The following STEAP3 variants were observed in gnomAD, a reference collection of about 807,000 sequenced individuals.
STEAP3 encodes the protein metalloreductase STEAP3.
Under a neutral mutation model 34.9 loss-of-function variants are expected in STEAP3, and 35 were observed. The ratio of observed to expected loss-of-function variants is 1.00; its 90% confidence interval spans 0.76 to 1.33. The LOEUF (loss-of-function observed/expected upper bound fraction) is 1.33, where lower values mean the gene tolerates loss of function less well. Among genes scored for constraint, STEAP3 ranks in the 40% most tolerant of loss-of-function variants. The probability of loss-of-function intolerance (pLI) is 0.00; values close to 1 mark genes in which losing one functional copy is unlikely to be tolerated. For missense variants in STEAP3, 652 were observed against 667.6 expected (o/e 0.98, Z 0.26); for synonymous variants, 281 against 301.6 (o/e 0.93, Z 0.71).
At chr2:119,252,253 A>G (rs1228383383) in intron 4 of STEAP3, among the ~76,000 whole-genome samples, 2 of 152,248 alleles carry the variant, frequency 1.3e-5, no homozygotes, top group African/African-American at 4.8e-5. Context: ...TAACACAGCA[A>G]GATACAATGA....
intron 5 of STEAP3, among the ~76,000 whole-genome samples, chr2:119,255,857 C>T (rs1445382510): frequency 6.6e-6 from 1 of 152,168 alleles, no homozygotes; most frequent in Non-Finnish European, 1.5e-5. Flanking sequence ...TTACTGCAGG[C>T]CAGGCATCCT....
At chr2:119,240,044 A>C (rs931534745) in intron 2 of STEAP3, among the ~76,000 whole-genome samples, 1 of 152,216 alleles carries the variant, frequency 6.6e-6, no homozygotes, top group Non-Finnish European at 1.5e-5. Flanking sequence ...TTTAATTGAA[A>C]ATAAGTAGCT....
chr2:119,231,010 C>T lies in STEAP3; in HGVS notation c.-3C>T, dbSNP rs1030648626. On this transcript the variant is annotated 5_prime_UTR_variant, in exon 2 of 6. Transcript: ENST00000393110. ...GAGAGCCTCAGACCCTCACGTCAGCCGGATGTCGCACCAGCCTGCTGTTGG... is the reference window on the plus strand; with the variant it reads ...GAGAGCCTCAGACCCTCACGTCAGCTGGATGTCGCACCAGCCTGCTGTTGG... 30 of 1,614,088 alleles carry T rather than the reference C, an allele frequency of 1.9e-5. No individual in the cohort carries two copies. Among genetic ancestry groups the T allele is most frequent in the African/African-American group, 2.7e-5 (2 of 74,926 alleles).
chr2:119,230,863 A>C lies in STEAP3; in HGVS notation c.-150A>C, dbSNP rs1573538023. 1 of 1,030,230 alleles carries C rather than the reference A, an allele frequency of 9.7e-7. No individual in the cohort carries two copies. The allele number at this position is 1,030,230 out of a possible 1,614,324, so 63.8% of individuals were successfully genotyped here. On this transcript the variant is annotated 5_prime_UTR_variant, in exon 2 of 6. Transcript: ENST00000393110. Reference sequence around the variant, plus strand: ...GGCTGCGGGAGGCAGCTGGCTGTGCAAGACCCTGGCAGGGCCCTCGCCTCC... The same window carrying C: ...GGCTGCGGGAGGCAGCTGGCTGTGCCAGACCCTGGCAGGGCCCTCGCCTCC...
chr2:119,241,740 C>T (rs1677253187), intron 2 of STEAP3, among the ~76,000 whole-genome samples: 1 of 152,214 alleles, frequency 6.6e-6, no homozygotes, highest in Admixed American at 6.5e-5. Flanking sequence ...GGAGCAGATG[C>T]CAAGTCAGGT....
chr2:119,245,355 C>A (rs531752319), intron 2 of STEAP3, 134 bp from the exon 3 acceptor site: 3 of 1,309,190 alleles, frequency 2.3e-6, no homozygotes, highest in African/African-American at 2.9e-5. Context: ...GGTGCTGACA[C>A]GTGGTAGCAC....
chr2:119,258,774 A>ATT lies in STEAP3; in HGVS notation c.1215+3946_1215+3947dup, dbSNP rs57860527. ...AGGCGCCCGGCACCACACCTGGCTA[A>ATT]TTTTTTTTTTTTTTTTTTTTTGTAT... On this transcript the variant is annotated intron_variant, in intron 5 of 5. Coordinates refer to ENST00000393110, the MANE Select transcript of STEAP3 (RefSeq NM_182915.3). 9.5e-4 allele frequency among the ~76,000 whole-genome samples: 115 copies of ATT among 121,016 alleles called. No homozygotes were observed. The East Asian group carries it at 0.011, about 12-fold the overall frequency. The allele number at this position is 121,016 out of a possible 152,430, so 79.4% of individuals were successfully genotyped here. A position where few individuals can be genotyped will look rare whatever the true frequency, so the allele number is the denominator to read the frequency against.
chr2:119,254,440 A>G (rs1485435594), intron 4 of STEAP3, among the ~76,000 whole-genome samples: 1 of 152,130 alleles, frequency 6.6e-6, no homozygotes, highest in Non-Finnish European at 1.5e-5. Flanking sequence ...ACCTTGGGAA[A>G]GTGATTTGAT....
At chr2:119,242,383 C>T (rs1306525223) in intron 2 of STEAP3, among the ~76,000 whole-genome samples, 2 of 152,194 alleles carry the variant, frequency 1.3e-5, no homozygotes, top group Non-Finnish European at 2.9e-5. Context: ...TGACTGACCA[C>T]AAGGGGAGAC....
chr2:119,238,430 C>A (rs1677150795), intron 2 of STEAP3, among the ~76,000 whole-genome samples: 1 of 152,132 alleles, frequency 6.6e-6, no homozygotes, highest in Admixed American at 6.5e-5. Context: ...ATTTGTATAT[C>A]TTTTTTGGAG....
chr2:119,238,678 C>T (rs13386059), intron 2 of STEAP3, among the ~76,000 whole-genome samples: 7,862 of 152,266 alleles, frequency 0.052, 230 homozygotes, highest in African/African-American at 0.074. Context: ...AGACAGACAG[C>T]GCCCACAAAG....
rs914757170 is a variant in STEAP3, at chr2:119,230,601, G to A, written c.-393-19G>A. 15 of 218,000 alleles carry A rather than the reference G, an allele frequency of 6.9e-5. No individual in the cohort carries two copies. The highest frequency in any genetic ancestry group is 2.4e-4 in the African/African-American group (11 of 45,308). The allele number at this position is 218,000 out of a possible 1,614,324, so 13.5% of individuals were successfully genotyped here. A position where few individuals can be genotyped will look rare whatever the true frequency, so the allele number is the denominator to read the frequency against. On this transcript the variant is annotated intron_variant, in intron 1 of 5. Transcript: ENST00000393110. ...CTCTCCCTTTCTCTCTCTCGCTCAC[G>A]TGTGTGTGCGCGCGTTAGATGACAT...
At chr2:119,254,156 G>A (rs1677705674) in intron 4 of STEAP3, among the ~76,000 whole-genome samples, 1 of 151,568 alleles carries the variant, frequency 6.6e-6, no homozygotes, top group African/African-American at 2.4e-5. Flanking sequence ...GAGACAGGCT[G>A]GGAAGGGAAG....
Position 119,240,549 on chromosome 2 carries a change from T to C in STEAP3, c.23-4940T>C, listed in dbSNP as rs1055810183. Among the ~76,000 whole-genome samples the C allele has an allele frequency of 3.9e-5, 6 of 152,318 alleles. No individual in the cohort carries two copies. The East Asian group carries it at 1.2e-3, about 29-fold the overall frequency. On this transcript the variant is annotated intron_variant, in intron 2 of 5. Transcript: ENST00000393110. ...CTGTGGATGTCATGTGGCCAACTGT[T>C]AGTGGCCTGCGCAAGAGCAGACAGG...
At position 119,254,994 on chromosome 2, in the gene STEAP3, A is replaced by G. The variant is rs138450194; in HGVS notation, c.1215+146A>G. Reference sequence around the variant, plus strand: ...GTGAGATGCCAGGCCTTCCTGACCCAGAGGGCCCATCCAAGCCTCTTGATA... The same window carrying G: ...GTGAGATGCCAGGCCTTCCTGACCCGGAGGGCCCATCCAAGCCTCTTGATA... On this transcript the variant is annotated intron_variant, in intron 5 of 5. Transcript: ENST00000393110. 29 of 1,058,716 alleles carry G rather than the reference A, an allele frequency of 2.7e-5. No homozygotes were observed. The African/African-American group carries it at 2.8e-4, about 10-fold the overall frequency. The allele number at this position is 1,058,716 out of a possible 1,614,324, so 65.6% of individuals were successfully genotyped here.
chr2:119,257,670 T>A, intron 5 of STEAP3: 1 of 1,425,970 alleles, frequency 7.0e-7, no homozygotes, highest in African/African-American at 1.5e-5. Flanking sequence ...CAGCCAACAG[T>A]GGCATGCTGG....
rs541036517 is a variant in STEAP3 at position 119,260,839 on chromosome 2, C to T, written c.1216-2218C>T. ...CTGTGGGTGACAGCATAAAGCCAATCGTGGCTTCCTCACTCTTCGTGGTGA... is the reference window on the plus strand; with the variant it reads ...CTGTGGGTGACAGCATAAAGCCAATTGTGGCTTCCTCACTCTTCGTGGTGA... On this transcript the variant is annotated intron_variant, in intron 5 of 5. Transcript: ENST00000393110. Among the ~76,000 whole-genome samples, 6 of 152,152 alleles carry T rather than the reference C, an allele frequency of 3.9e-5. 1 individual carries two copies. In the South Asian group the frequency reaches 1.0e-3, roughly 26 times the overall value.
intron 1 of STEAP3, among the ~76,000 whole-genome samples, chr2:119,230,280 C>T (rs902566320): frequency 6.6e-6 from 1 of 152,184 alleles, no homozygotes; most frequent in Non-Finnish European, 1.5e-5. Context: ...CCCCAGCCAG[C>T]AGAAACATGC....
intron 2 of STEAP3, among the ~76,000 whole-genome samples, chr2:119,240,449 C>T (rs964648320): frequency 6.6e-6 from 1 of 152,224 alleles, no homozygotes; most frequent in Non-Finnish European, 1.5e-5. Context: ...CACAGCAAAC[C>T]CTCCGTGGCC....
Sources: allele counts gnomAD v4.1 joint callset (sites outside exome capture counted in the v4.1 genomes callset), GRCh38; gene constraint gnomAD v4.1.1; transcripts MANE v1.5; gene names NCBI Gene and HGNC (gene_info 2026-07-23, HGNC 2026-07-21).